Variants in CNPY3 observed in about 807,000 individuals in gnomAD.
CNPY3 encodes canopy FGF signaling regulator 3.
A neutral mutation model predicts 32.0 loss-of-function variants in CNPY3; 20 were observed. The observed-to-expected ratio is 0.63, with a 90% CI of 0.44 to 0.91. CNPY3 has a LOEUF of 0.91. Among genes scored for constraint, CNPY3 ranks in the 40% least tolerant of loss-of-function variants. The probability of loss-of-function intolerance (pLI) is 0.00; values close to 1 mark genes in which losing one functional copy is unlikely to be tolerated. For synonymous variants in CNPY3, 138 were observed against 142.9 expected (o/e 0.97, Z 0.24); for missense variants, 299 against 340.8 (o/e 0.88, Z 0.97).
chr6:42,937,915 A>G (rs950482436), intron 4 of CNPY3, 76 bp downstream of exon 4: 1 of 1,589,204 alleles, frequency 6.3e-7, no homozygotes, highest in Non-Finnish European at 8.6e-7. Context: ...GCTCTGAGGA[A>G]GTCCACCCAG....
Position 42,939,048 on chromosome 6 carries a change from G to T in CNPY3, c.*257G>T. ...AGGCCTTGTGGTTTCAGGACTGCAAGGACTCCAGTGTGAACTCAGGAGGGG... is the reference window on the plus strand; with the variant it reads ...AGGCCTTGTGGTTTCAGGACTGCAATGACTCCAGTGTGAACTCAGGAGGGG... On this transcript the variant is annotated 3_prime_UTR_variant, in exon 6 of 6. Transcript: ENST00000372836. The T allele has an allele frequency of 7.8e-7, 1 of 1,275,008 alleles. No individual in the cohort carries two copies. The highest frequency in any genetic ancestry group is 9.9e-7 in the Non-Finnish European group (1 of 1,009,008). The allele number at this position is 1,275,008 out of a possible 1,614,324, so 79.0% of individuals were successfully genotyped here.
chr6:42,937,741 T>C lies in CNPY3; in HGVS notation c.397T>C (p.Leu133=), dbSNP rs1181078370. The part of the protein sequence containing the change: ...AKGMSETFET[L]HNLVHKGVKV... The stretch of plus-strand genomic sequence containing the variant: ...GGGCATGTCAGAGACCTTTGAGACA[T>C]TACACAACCTGGTACACAAAGGGGT... The change falls in exon 4 of 6, where the codon TTA becomes CTA. Residue 133 remains leucine (L), a synonymous_variant. Transcript: ENST00000372836. 6.2e-7 allele frequency: 1 copy of C among 1,613,754 alleles called. No homozygotes were observed. The highest frequency in any genetic ancestry group is 2.2e-5 in the East Asian group (1 of 44,854).
intron 3 of CNPY3, 37 bp from the exon 4 acceptor site, chr6:42,937,680 G>T: frequency 6.2e-7 from 1 of 1,611,188 alleles, no homozygotes; most frequent in South Asian, 1.1e-5. Context: ...AGGGAGAGAA[G>T]GGAGCTCCGC....
At position 42,938,140 on chromosome 6, in the gene CNPY3, G is replaced by A; in HGVS notation, c.546G>A (p.Arg182=). The A allele has an allele frequency of 3.1e-6, 5 of 1,614,142 alleles. No homozygotes were observed. The highest frequency in any genetic ancestry group is 4.2e-6 in the Non-Finnish European group (5 of 1,180,022). Reference sequence around the variant, plus strand: ...AGGAGGTGATCGAGGACTGGTACAGGAACCACCAGGAGGAAGACCTGACTG... The same window carrying A: ...AGGAGGTGATCGAGGACTGGTACAGAAACCACCAGGAGGAAGACCTGACTG... ...EFEEVIEDWY[R]NHQEEDLTEF... The change falls in exon 5 of 6, where the codon AGG becomes AGA. Residue 182 remains arginine, a synonymous_variant. Transcript: ENST00000372836.
At chr6:42,935,780 A>T in intron 3 of CNPY3, 110 bp downstream of exon 3, 1 of 1,225,864 alleles carries the variant, frequency 8.2e-7, no homozygotes, top group Non-Finnish European at 1.1e-6. Flanking sequence ...ATCTTCCTTC[A>T]TTGCCTCTTC....
rs765887645 is a variant in CNPY3, at chr6:42,938,622, G to A, written c.668G>A (p.Gly223Glu). 22 of 1,609,648 alleles carry A rather than the reference G, an allele frequency of 1.4e-5. No individual in the cohort carries two copies. The highest frequency in any genetic ancestry group is 1.9e-5 in the Non-Finnish European group (22 of 1,178,010). The change falls in exon 6 of 6, where the codon GGG becomes GAG. Residue 223 changes from glycine (G) to glutamate (E), a missense_variant. Coordinates refer to ENST00000372836, the MANE Select transcript of CNPY3 (RefSeq NM_006586.5). ...GKKGDTAALG[G>E]KKSKKKSSRA... ...AAGGGAGACACAGCTGCCCTGGGAG[G>A]GAAGAAGTCCAAGAAGAAGAGCAGC...
chr6:42,938,252 T>A, intron 5 of CNPY3, 45 bp downstream of exon 5: 2 of 1,440,222 alleles, frequency 1.4e-6, no homozygotes, highest in Non-Finnish European at 2.0e-6. Flanking sequence ...GATGATTTGT[T>A]TGCTCTCCCT....
At position 42,938,608 on chromosome 6, in the gene CNPY3, A is replaced by G. The variant is rs1239553673; in HGVS notation, c.654A>G (p.Thr218=). The G allele has an allele frequency of 1.2e-6, 2 of 1,605,526 alleles. No homozygotes were observed. Among genetic ancestry groups the G allele is most frequent in the Non-Finnish European group, 1.7e-6 (2 of 1,175,852 alleles). ...AGTGGTCCGGCAAGAAGGGAGACAC[A>G]GCTGCCCTGGGAGGGAAGAAGTCCA... ...AEQWSGKKGD[T]AALGGKKSKK... is the part of the protein sequence containing the mutation. The change falls in exon 6 of 6, where the codon ACA becomes ACG. Residue 218 remains threonine, a synonymous_variant. Coordinates refer to ENST00000372836, the MANE Select transcript of CNPY3 (RefSeq NM_006586.5).
rs570105218 is a variant in CNPY3 at position 42,929,619 on chromosome 6, TTGC to T, written c.74_76del (p.Leu25del). 1.0e-3 allele frequency: 1,515 copies of T among 1,498,326 alleles called. No individual in the cohort carries two copies. Among genetic ancestry groups the T allele is most frequent in the Middle Eastern group, 2.7e-3 (15 of 5,472 alleles). 92.8% of individuals were successfully genotyped at this position (1,498,326 alleles called of 1,614,324 possible). A position where few individuals can be genotyped will look rare whatever the true frequency, so the allele number is the denominator to read the frequency against. On this transcript the variant is annotated inframe_deletion, in exon 1 of 6. Transcript: ENST00000372836. The stretch of plus-strand genomic sequence containing the variant: ...GTCCCGCTGTCTTCTGCTTCTTCCC[TTGC>T]TGCTGCTGCTGCTGCTGCTGCTGCC...
chr6:42,934,883 C>G (rs551828283), intron 2 of CNPY3, among the ~76,000 whole-genome samples: 1 of 151,746 alleles, frequency 6.6e-6, no homozygotes, highest in Non-Finnish European at 1.5e-5. Flanking sequence ...TTTTTTTTTG[C>G]GACGGAGTTT....
intron 2 of CNPY3, among the ~76,000 whole-genome samples, 189 bp downstream of exon 2, chr6:42,934,787 T>A (rs941434967): frequency 6.6e-6 from 1 of 152,222 alleles, no homozygotes. Context: ...TTCTTTATGC[T>A]TCAGCAGATT....
intron 2 of CNPY3, 24 bp from the exon 3 acceptor site, chr6:42,935,550 T>C: frequency 1.3e-6 from 2 of 1,599,200 alleles, no homozygotes; most frequent in African/African-American, 1.3e-5. Flanking sequence ...GGGAACTCAG[T>C]TCCTCATCCT....
At chr6:42,935,282 AATG>A (rs1768137333) in intron 2 of CNPY3, 1 of 299,800 alleles carries the variant, frequency 3.3e-6, no homozygotes, top group African/African-American at 2.3e-5. Context: ...TTTCAAAGAG[AATG>A]ATATTTTACT....
chr6:42,933,006 C>T (rs578051660), intron 1 of CNPY3, among the ~76,000 whole-genome samples: 5 of 152,208 alleles, frequency 3.3e-5, no homozygotes, highest in South Asian at 4.2e-4. Flanking sequence ...TAAGGAAATA[C>T]GAAAAAATCT....
intron 5 of CNPY3, 83 bp downstream of exon 5, chr6:42,938,290 G>A (rs1768376474): frequency 5.0e-6 from 5 of 996,120 alleles, no homozygotes; most frequent in Non-Finnish European, 4.8e-6. Context: ...AGGAGAAACA[G>A]AGGGCACCAG....
At chr6:42,929,254 T>G, upstream of CNPY3, 2 of 284,454 alleles carry the variant, frequency 7.0e-6, no homozygotes, top group Non-Finnish European at 1.3e-5. Flanking sequence ...GAGCCTCCGT[T>G]AGGGGGTGGG....
chr6:42,935,759 G>T, intron 3 of CNPY3, 89 bp downstream of exon 3: 2 of 1,381,948 alleles, frequency 1.4e-6, no homozygotes, highest in South Asian at 2.8e-5. Flanking sequence ...ATTTGAAGAT[G>T]ACCACCTGGG....
chr6:42,929,419 G>T (rs1428745641), upstream of CNPY3: 4 of 821,442 alleles, frequency 4.9e-6, no homozygotes, highest in Non-Finnish European at 7.4e-6. Flanking sequence ...GGCGGGCTGC[G>T]GCTGCGAGAG....
At chr6:42,933,859 T>C (rs1581707146) in intron 1 of CNPY3, among the ~76,000 whole-genome samples, 1 of 152,234 alleles carries the variant, frequency 6.6e-6, no homozygotes, top group Admixed American at 6.5e-5. Context: ...CTTTTCTGTA[T>C]GTATGCAATT....
Sources: gnomAD v4.1 joint callset for allele counts (sites outside exome capture counted in the v4.1 genomes callset) on GRCh38, gnomAD v4.1.1 for gene constraint, MANE v1.5 for transcripts, NCBI Gene and HGNC (gene_info 2026-07-23, HGNC 2026-07-21) for gene names.